Variants in FGF10 observed in about 807,000 individuals in gnomAD.
FGF10 encodes fibroblast growth factor 10.
FGF10 carries 2 observed loss-of-function variants against 19.8 expected under a neutral mutation model. That is an observed-to-expected ratio of 0.10 (90% CI 0.04 to 0.32). FGF10 has a LOEUF of 0.32. FGF10 is among the 10% of genes least tolerant of loss of function. FGF10 has a pLI of 1.00. For synonymous variants in FGF10, 112 were observed against 94.0 expected, an observed-to-expected ratio of 1.19 and a Z score of -1.10; for missense variants, 191 against 246.3, an observed-to-expected ratio of 0.78 and a Z score of 1.50.
chr5:44,318,232 G>T (rs911439528), intron 1 of FGF10, among the ~76,000 whole-genome samples: 1 of 152,138 alleles, frequency 6.6e-6, no homozygotes, highest in East Asian at 1.9e-4. Context: ...GAACGATTAC[G>T]TTAGAAAAGT....
Position 44,388,937 on chromosome 5 carries a change from G to C in FGF10, c.-255C>G. The C allele has an allele frequency of 3.5e-6, 2 of 573,442 alleles. No homozygotes were observed. The highest frequency in any genetic ancestry group is 3.1e-6 in the Non-Finnish European group (1 of 318,972). The allele number at this position is 573,442 out of a possible 1,614,324, so 35.5% of individuals were successfully genotyped here. A position where few individuals can be genotyped will look rare whatever the true frequency, so the allele number is the denominator to read the frequency against. ...CGGTAAATGGTGGACGTGGGTGGCCGCAGCAGCAGGAGCTGGTGGTGGCGT... is the reference window on the plus strand; with the variant it reads ...CGGTAAATGGTGGACGTGGGTGGCCCCAGCAGCAGGAGCTGGTGGTGGCGT... On this transcript the variant is annotated 5_prime_UTR_variant, in exon 1 of 3. Transcript: ENST00000264664.
intron 1 of FGF10, among the ~76,000 whole-genome samples, chr5:44,344,568 C>CTCTCTGTGTGTGTGTGTG (rs1554037820): frequency 2.4e-5 from 3 of 126,854 alleles, no homozygotes; most frequent in African/African-American, 9.0e-5. Context: ...TTTGTTTTCT[C>CTCTCTGTGTGTGTGTGTG]TGTGTGTGTG....
At chr5:44,327,471 A>G (rs1740640899) in intron 1 of FGF10, among the ~76,000 whole-genome samples, 3 of 152,180 alleles carry the variant, frequency 2.0e-5, no homozygotes, top group African/African-American at 7.2e-5. Flanking sequence ...TTTTAAAAAG[A>G]GTCCCTTAAC....
In FGF10 at chr5:44,304,664, T is replaced by C; in HGVS notation, c.*331A>G. Reference sequence around the variant, plus strand: ...CGAAGATCGTTCTTTCAACAGATTGTTCTATGTCCTTTAAGTTCTATCTCA... The same window carrying C: ...CGAAGATCGTTCTTTCAACAGATTGCTCTATGTCCTTTAAGTTCTATCTCA... On this transcript the variant is annotated 3_prime_UTR_variant, in exon 3 of 3. Transcript: ENST00000264664. The C allele has an allele frequency of 3.1e-6, 1 of 321,256 alleles. No individual in the cohort carries two copies. Among genetic ancestry groups the C allele is most frequent in the Non-Finnish European group, 5.9e-6 (1 of 168,366 alleles). The allele number at this position is 321,256 out of a possible 1,614,324, so 19.9% of individuals were successfully genotyped here.
At chr5:44,377,232 T>G (rs1228521187) in intron 1 of FGF10, among the ~76,000 whole-genome samples, 1 of 152,232 alleles carries the variant, frequency 6.6e-6, no homozygotes, top group East Asian at 1.9e-4. Flanking sequence ...TAGAGACTGC[T>G]GTTTACTTAA....
In FGF10 at chr5:44,302,459, A is replaced by G. The variant is rs1327505648; in HGVS notation, c.*2536T>C. Among the ~76,000 whole-genome samples, 7 of 152,146 alleles carry G rather than the reference A, an allele frequency of 4.6e-5. No homozygotes were observed. In the East Asian group the frequency reaches 1.2e-3, roughly 25 times the overall value. Reference sequence around the variant, plus strand: ...CTGCAGCCTCAAACTCCTGGGCCCAAGAGATCCTTCCGTTTCAGCCTCCTG... The same window carrying G: ...CTGCAGCCTCAAACTCCTGGGCCCAGGAGATCCTTCCGTTTCAGCCTCCTG... On this transcript the variant is annotated 3_prime_UTR_variant, in exon 3 of 3. Coordinates refer to ENST00000264664, the MANE Select transcript of FGF10 (RefSeq NM_004465.2).
At chr5:44,311,279 G>C (rs1375405207) in intron 1 of FGF10, among the ~76,000 whole-genome samples, 1 of 151,964 alleles carries the variant, frequency 6.6e-6, no homozygotes, top group African/African-American at 2.4e-5. Context: ...TGCATCTAAA[G>C]ATAATTTTCT....
At chr5:44,317,574 AAAG>A (rs1740378234) in intron 1 of FGF10, among the ~76,000 whole-genome samples, 1 of 152,186 alleles carries the variant, frequency 6.6e-6, no homozygotes, top group Non-Finnish European at 1.5e-5. Flanking sequence ...AAAGTGTGTT[AAAG>A]ATCAATTTCT....
chr5:44,320,454 G>A (rs1740459524), intron 1 of FGF10, among the ~76,000 whole-genome samples: 1 of 152,186 alleles, frequency 6.6e-6, no homozygotes, highest in Non-Finnish European at 1.5e-5. Flanking sequence ...CTTTGAAGGA[G>A]GGAAAGACCC....
At chr5:44,377,550 C>T (rs897847616) in intron 1 of FGF10, among the ~76,000 whole-genome samples, 55 of 152,236 alleles carry the variant, frequency 3.6e-4, no homozygotes, top group Middle Eastern at 3.4e-3. Context: ...TTACCTATTT[C>T]GCTATTCTTT....
intron 1 of FGF10, among the ~76,000 whole-genome samples, chr5:44,327,322 T>C (rs2111746659): frequency 6.6e-6 from 1 of 152,124 alleles, no homozygotes; most frequent in Admixed American, 6.5e-5. Flanking sequence ...AATAAAAGAG[T>C]CCCAAGCCTA....
chr5:44,322,208 A>G (rs1816965), intron 1 of FGF10, among the ~76,000 whole-genome samples: 27,139 of 152,176 alleles, frequency 0.18, 2,762 homozygotes, highest in Admixed American at 0.3. Context: ...ATGGGTCCCA[A>G]AACTTGCCTA....
intron 1 of FGF10, among the ~76,000 whole-genome samples, chr5:44,319,403 C>T (rs1740429275): frequency 6.6e-6 from 1 of 152,040 alleles, no homozygotes; most frequent in African/African-American, 2.4e-5. Context: ...CTTTTCTCCT[C>T]AATTTAAGGA....
At chr5:44,306,458 CTAAAG>C (rs1192774008) in intron 2 of FGF10, among the ~76,000 whole-genome samples, 1 of 152,158 alleles carries the variant, frequency 6.6e-6, no homozygotes, top group African/African-American at 2.4e-5. Context: ...TATACTCAAA[CTAAAG>C]TAGTTAAGAA....
Position 44,303,873 on chromosome 5 carries a change from T to G in FGF10, c.*1122A>C, listed in dbSNP as rs561212574. ...TTATGTGGAATTTACAGAGGGTTTT[T>G]AGAGATGTGGACAGCCTCTTTACCG... On this transcript the variant is annotated 3_prime_UTR_variant, in exon 3 of 3. Coordinates refer to ENST00000264664, the MANE Select transcript of FGF10 (RefSeq NM_004465.2). 1.3e-5 allele frequency: 2 copies of G among 152,310 alleles called. No individual in the cohort carries two copies. Among genetic ancestry groups the G allele is most frequent in the African/African-American group, 4.8e-5 (2 of 41,594 alleles). 9.4% of individuals were successfully genotyped at this position (152,310 alleles called of 1,614,324 possible). A position where few individuals can be genotyped will look rare whatever the true frequency, so the allele number is the denominator to read the frequency against.
intron 1 of FGF10, among the ~76,000 whole-genome samples, chr5:44,373,838 C>T (rs1360986670): frequency 1.3e-5 from 2 of 152,104 alleles, no homozygotes; most frequent in African/African-American, 4.8e-5. Flanking sequence ...GTTTCTTTAT[C>T]ATGTGCTTCA....
chr5:44,348,688 G>T (rs550831044), intron 1 of FGF10, among the ~76,000 whole-genome samples: 1 of 151,286 alleles, frequency 6.6e-6, no homozygotes, highest in South Asian at 2.1e-4. Context: ...TTTATTTTAA[G>T]TGTATTTATA....
Position 44,303,762 on chromosome 5 carries a change from G to C in FGF10, c.*1233C>G, listed in dbSNP as rs1740012701. ...TTTGTATATGGTTACACATATACCA[G>C]TATATATTTGATTTGCTCAGTTTAA... is the stretch of plus-strand genomic sequence containing the variant. On this transcript the variant is annotated 3_prime_UTR_variant, in exon 3 of 3. Coordinates refer to ENST00000264664, the MANE Select transcript of FGF10 (RefSeq NM_004465.2). 2 of 152,156 alleles carry C rather than the reference G, an allele frequency of 1.3e-5. No homozygotes were observed. The highest frequency in any genetic ancestry group is 1.3e-4 in the Admixed American group (2 of 15,266). The allele number at this position is 152,156 out of a possible 1,614,324, so 9.4% of individuals were successfully genotyped here.
chr5:44,316,326 T>A (rs1165829378), intron 1 of FGF10, among the ~76,000 whole-genome samples: 1 of 152,136 alleles, frequency 6.6e-6, no homozygotes, highest in African/African-American at 2.4e-5. Flanking sequence ...TTGCAAAGAA[T>A]CTCAGAGAGT....
Sources: gnomAD v4.1 joint callset for allele counts (sites outside exome capture counted in the v4.1 genomes callset) on GRCh38, gnomAD v4.1.1 for gene constraint, MANE v1.5 for transcripts, NCBI Gene and HGNC (gene_info 2026-07-23, HGNC 2026-07-21) for gene names.